The following LMX1B variants were observed in gnomAD, a reference collection of about 807,000 sequenced individuals.
LMX1B encodes the protein LIM homeobox transcription factor 1 beta, also known as LIM homeobox transcription factor 1-beta.
In LMX1B, 12 loss-of-function variants were observed where a neutral mutation model predicts 51.4. The ratio of observed to expected loss-of-function variants is 0.23; its 90% CI spans 0.15 to 0.38. LMX1B has a LOEUF of 0.38. LMX1B is among the 10% of genes least tolerant of loss of function. The pLI is 1.00. For missense variants in LMX1B, 445 were observed against 571.1 expected, an observed-to-expected ratio of 0.78 and a Z score of 2.25; for synonymous variants, 237 against 235.4, an observed-to-expected ratio of 1.01 and a Z score of -0.06.
chr9:126,616,098 G>C (rs1342984101), intron 2 of LMX1B, among the ~76,000 whole-genome samples: 1 of 152,182 alleles, frequency 6.6e-6, no homozygotes, highest in Non-Finnish European at 1.5e-5. Context: ...CTGATGGAGA[G>C]AAAAGAATGT....
chr9:126,648,575 G>A (rs1040961309), intron 2 of LMX1B, among the ~76,000 whole-genome samples: 30 of 152,192 alleles, frequency 2.0e-4, no homozygotes, highest in African/African-American at 7.2e-4. Context: ...CCATCTCAGG[G>A]GGCATGAGAG....
chr9:126,615,662 G>C lies in LMX1B; in HGVS notation c.326+93G>C, dbSNP rs1006165534. 9.0e-6 allele frequency: 11 copies of C among 1,215,752 alleles called. No individual in the cohort carries two copies. The African/African-American group carries it at 1.7e-4, about 19-fold the overall frequency. The allele number at this position is 1,215,752 out of a possible 1,614,324, so 75.3% of individuals were successfully genotyped here. ...CCCGGCCCGCGCCCGCTCTGCCGCC[G>C]GCTCTGTGCGCGGCTGGGCCGGGCA... On this transcript the variant is annotated intron_variant, in intron 2 of 7. Transcript: ENST00000373474. This position sits in a 1 kb window ranked among gnomAD's most constrained non-coding sequence, Gnocchi z 6.0.
rs372216363 is a variant in LMX1B, at chr9:126,615,583, G to C, written c.326+14G>C. The stretch of plus-strand genomic sequence containing the variant: ...AGACTACCAACAGTAAGCGCTTCTC[G>C]TCCTCCTTCCCCGCCACCGCCCGGC... On this transcript the variant is annotated intron_variant, in intron 2 of 7. Coordinates refer to ENST00000373474, the MANE Select transcript of LMX1B (RefSeq NM_001174147.2). The surrounding 1 kb of genome is among the most constrained non-coding windows in gnomAD (Gnocchi z 6.0). The C allele has an allele frequency of 1.9e-6, 3 of 1,597,570 alleles. No homozygotes were observed. In the African/African-American group the frequency reaches 4.1e-5, roughly 22 times the overall value.
intron 2 of LMX1B, among the ~76,000 whole-genome samples, chr9:126,649,687 G>T (rs578031044): frequency 1.3e-5 from 2 of 152,134 alleles, no homozygotes; most frequent in Non-Finnish European, 2.9e-5. Context: ...GTGCAGTGGC[G>T]CAGTCTTGGC....
In LMX1B at chr9:126,657,198, G is replaced by A. The variant is rs931256324; in HGVS notation, c.327-33638G>A. On this transcript the variant is annotated intron_variant, in intron 2 of 7. Coordinates refer to ENST00000373474, the MANE Select transcript of LMX1B (RefSeq NM_001174147.2). The stretch of plus-strand genomic sequence containing the variant: ...AAAATAAAAGCACTATTACTAGTAA[G>A]AAGAAACATTTTTCCCACAAAGGTA... Among the ~76,000 whole-genome samples, 20 of 152,200 alleles carry A rather than the reference G, an allele frequency of 1.3e-4. 1 individual carries two copies. The highest frequency in any genetic ancestry group is 4.8e-4 in the African/African-American group (20 of 41,448).
Position 126,679,068 on chromosome 9 carries a change from C to G in LMX1B, c.327-11768C>G, listed in dbSNP as rs971917459. Among the ~76,000 whole-genome samples the G allele has an allele frequency of 2.6e-4, 40 of 152,108 alleles. 1 individual carries two copies. The highest frequency in any genetic ancestry group is 9.7e-4 in the African/African-American group (40 of 41,394). On this transcript the variant is annotated intron_variant, in intron 2 of 7. Transcript: ENST00000373474. ...TACCCTGGAGATCTGACACTCCGCT[C>G]GCATGGAATACCTGCTCTCCCATTC...
intron 6 of LMX1B, 131 bp downstream of exon 6, chr9:126,693,943 G>A (rs1216102791): frequency 4.9e-6 from 3 of 611,178 alleles, no homozygotes; most frequent in South Asian, 1.9e-5. Context: ...GACCGGGGCT[G>A]CACCTGTCCC....
Position 126,641,459 on chromosome 9 carries a change from G to A in LMX1B, c.326+25890G>A, listed in dbSNP as rs1835807247. Among the ~76,000 whole-genome samples, 1 of 152,150 alleles carries A rather than the reference G, an allele frequency of 6.6e-6. No individual in the cohort carries two copies. The highest frequency in any genetic ancestry group is 1.5e-5 in the Non-Finnish European group (1 of 68,024). ...AGGTCATAGCTAATAGCAGGAACAG[G>A]ACATGAACCCATGTCTGCATATCTT... On this transcript the variant is annotated intron_variant, in intron 2 of 7. Coordinates refer to ENST00000373474, the MANE Select transcript of LMX1B (RefSeq NM_001174147.2). The surrounding 1 kb of genome is among the most constrained non-coding windows in gnomAD (Gnocchi z 4.1).
At chr9:126,623,747 C>A (rs1301250071) in intron 2 of LMX1B, among the ~76,000 whole-genome samples, 1 of 141,048 alleles carries the variant, frequency 7.1e-6, no homozygotes, top group Non-Finnish European at 1.6e-5. Context: ...AGCAGGGTGT[C>A]ACTGACCTCC....
At chr9:126,663,626 C>T (rs1485796216) in intron 2 of LMX1B, among the ~76,000 whole-genome samples, 1 of 152,200 alleles carries the variant, frequency 6.6e-6, no homozygotes, top group African/African-American at 2.4e-5. Context: ...TGGAGTAGTG[C>T]CTGGCGCCTA....
At chr9:126,648,783 G>A (rs535737923) in intron 2 of LMX1B, among the ~76,000 whole-genome samples, 7 of 152,168 alleles carry the variant, frequency 4.6e-5, no homozygotes, top group Non-Finnish European at 1.0e-4. Flanking sequence ...GACCATAGAG[G>A]TTACCAGGAC....
At chr9:126,620,619 T>A (rs1042453453) in intron 2 of LMX1B, among the ~76,000 whole-genome samples, 1 of 151,760 alleles carries the variant, frequency 6.6e-6, no homozygotes, top group African/African-American at 2.4e-5. Flanking sequence ...ACGGGTGTGC[T>A]GTGCTCTTTC....
At chr9:126,674,924 C>T (rs754518143) in intron 2 of LMX1B, among the ~76,000 whole-genome samples, 2 of 152,166 alleles carry the variant, frequency 1.3e-5, no homozygotes, top group African/African-American at 2.4e-5. Flanking sequence ...ATGACTTCCC[C>T]GTGGCTCTTG....
intron 2 of LMX1B, among the ~76,000 whole-genome samples, chr9:126,639,131 A>G (rs1835765407): frequency 1.3e-5 from 2 of 151,394 alleles, no homozygotes; most frequent in African/African-American, 4.9e-5. Context: ...GAAGGAAGGG[A>G]ATAATTGGAC....
At chr9:126,666,053 C>T (rs368345058) in intron 2 of LMX1B, among the ~76,000 whole-genome samples, 7 of 152,376 alleles carry the variant, frequency 4.6e-5, no homozygotes, top group South Asian at 2.1e-4. Context: ...GTCTGCCCTG[C>T]GCCTCAGTAA....
chr9:126,647,940 C>T (rs910917359), intron 2 of LMX1B, among the ~76,000 whole-genome samples: 1 of 152,272 alleles, frequency 6.6e-6, no homozygotes, highest in Non-Finnish European at 1.5e-5. Context: ...CCTCCATCCT[C>T]CTGTCCCCAG....
chr9:126,660,936 G>A, intron 2 of LMX1B, among the ~76,000 whole-genome samples: 1 of 152,184 alleles, frequency 6.6e-6, no homozygotes, highest in East Asian at 1.9e-4. Context: ...GCAGCTGCTG[G>A]AGAGTCAGAA....
intron 2 of LMX1B, among the ~76,000 whole-genome samples, chr9:126,669,046 G>A (rs1028957469): frequency 6.6e-5 from 10 of 152,250 alleles, no homozygotes; most frequent in Non-Finnish European, 1.2e-4. Context: ...GCAGGCCTGG[G>A]GTCCAACCCT....
chr9:126,690,858 G>A lies in LMX1B; in HGVS notation c.349G>A (p.Gly117Ser), dbSNP rs773332016. 3.9e-5 allele frequency: 63 copies of A among 1,612,304 alleles called. No individual in the cohort carries two copies. Among genetic ancestry groups the A allele is most frequent in the Non-Finnish European group, 4.7e-5 (56 of 1,179,760 alleles). ...CAGGCTCTTCGCGGCCAAGTGCAGC[G>A]GCTGCATGGAGAAGATCGCCCCCAC... ...YQQLFAAKCS[G>S]CMEKIAPTEF... is the part of the protein sequence containing the mutation. Residue 117 changes from glycine (G) to serine (S), a missense_variant, in exon 3 of 8, where the codon GGC (glycine) becomes AGC (serine). Transcript: ENST00000373474.
Sources: gnomAD v4.1 joint callset for allele counts (sites outside exome capture counted in the v4.1 genomes callset) on GRCh38, gnomAD v4.1.1 for gene constraint, Gnocchi (gnomAD v3.1) non-coding constraint, MANE v1.5 for transcripts, NCBI Gene and HGNC (gene_info 2026-07-23, HGNC 2026-07-21) for gene names.